SLC7A9: variants seen among roughly 807,000 people sequenced by gnomAD.
SLC7A9 encodes solute carrier family 7 member 9, also known as B(0,+)-type amino acid transporter 1.
Under a neutral mutation model 54.1 loss-of-function variants are expected in SLC7A9, and 38 were observed. That is an observed-to-expected ratio of 0.70 (90% CI 0.54 to 0.92). The LOEUF (loss-of-function observed/expected upper bound fraction) is 0.92. Among genes scored for constraint, SLC7A9 ranks in the 40% least tolerant of loss-of-function variants. SLC7A9 has a pLI of 0.00. For synonymous variants in SLC7A9, 264 were observed against 258.9 expected, an observed-to-expected ratio of 1.02 and a Z score of -0.19; for missense variants, 537 against 636.1, an observed-to-expected ratio of 0.84 and a Z score of 1.68.
Position 32,833,074 on chromosome 19 carries a change from G to T in SLC7A9, c.1399+75C>A, listed in dbSNP as rs150281357. On this transcript the variant is annotated intron_variant, in intron 12 of 12. Transcript: ENST00000023064. ...GGTGAGACACTGTGACAGAGGTCTT[G>T]GAGTCAGGACAGGTGAGGACGCCGT... 0.031 allele frequency: 42,653 copies of T among 1,385,168 alleles called. 902 individuals carry two copies. The highest frequency in any genetic ancestry group is 0.037 in the Non-Finnish European group (35,998 of 972,882). 85.8% of individuals were successfully genotyped at this position (1,385,168 alleles called of 1,614,324 possible). A position where few individuals can be genotyped will look rare whatever the true frequency, so the allele number is the denominator to read the frequency against.
chr19:32,849,718 GAC>G (rs1968411208), intron 9 of SLC7A9, among the ~76,000 whole-genome samples: 1 of 150,466 alleles, frequency 6.6e-6, no homozygotes, highest in African/African-American at 2.4e-5. Context: ...GCCTGGCAGA[GAC>G]ACAACCAAAA....
chr19:32,833,225 C>T lies in SLC7A9; in HGVS notation c.1323G>A (p.Val441=). Residue 441 remains valine, a synonymous_variant, in exon 12 of 13, where the codon GTG becomes GTA. Transcript: ENST00000023064. ...SKPTWEYLYC[V]LFILSGLLFY... ...ATAAAAGGCCGCTTAATATAAACAG[C>T]ACACAGTAGAGGTACTCCCAGGTGG... 3 of 1,614,150 alleles carry T rather than the reference C, an allele frequency of 1.9e-6. No individual in the cohort carries two copies. The highest frequency in any genetic ancestry group is 2.5e-6 in the Non-Finnish European group (3 of 1,179,976).
At chr19:32,868,399 C>T (rs369544048) in intron 2 of SLC7A9, 49 bp downstream of exon 2, 33 of 1,457,090 alleles carry the variant, frequency 2.3e-5, no homozygotes, top group East Asian at 4.5e-5. Context: ...CTCGTTCAGA[C>T]GCCCTTGCCT....
At chr19:32,857,044 C>G (rs1968649234) in intron 9 of SLC7A9, among the ~76,000 whole-genome samples, 1 of 151,980 alleles carries the variant, frequency 6.6e-6, no homozygotes, top group Non-Finnish European at 1.5e-5. Context: ...CCAGCTACTC[C>G]AGAGGCTGAG....
At chr19:32,852,361 G>C (rs914661425) in intron 9 of SLC7A9, among the ~76,000 whole-genome samples, 1 of 151,934 alleles carries the variant, frequency 6.6e-6, no homozygotes, top group East Asian at 1.9e-4. Context: ...ATGGTGGCAC[G>C]TGCCTGTGGT....
chr19:32,862,540 G>C lies in SLC7A9; in HGVS notation c.525C>G (p.Tyr175Ter). Residue 175 changes from tyrosine (Y) to a stop codon, truncating the protein, a stop_gained, in exon 5 of 13, where the codon TAC becomes TAG. Transcript: ENST00000023064. LOFTEE classifies it high-confidence loss of function. ...VNSLSVRLGSYVQNIFTAAKL... is the reference protein window; with the variant it reads ...VNSLSVRLGS ...TGGCCGCGGTGAAGATGTTCTGGAC[G>C]TAGCTTCCCAGCCGCACGCTCAGTG... The C allele has an allele frequency of 6.2e-7, 1 of 1,613,916 alleles. No individual in the cohort carries two copies.
chr19:32,837,817 G>A (rs980854919), intron 11 of SLC7A9, among the ~76,000 whole-genome samples: 4 of 152,204 alleles, frequency 2.6e-5, no homozygotes, highest in Non-Finnish European at 5.9e-5. Context: ...TTTGTCAAAA[G>A]TTTATACTAC....
chr19:32,867,481 C>G (rs1969004531), intron 2 of SLC7A9, among the ~76,000 whole-genome samples: 1 of 152,028 alleles, frequency 6.6e-6, no homozygotes, highest in South Asian at 2.1e-4. Context: ...TGCACCACTG[C>G]ACTCCAGCCT....
chr19:32,866,176 G>T (rs973358607), intron 2 of SLC7A9, among the ~76,000 whole-genome samples: 1 of 152,140 alleles, frequency 6.6e-6, no homozygotes, highest in African/African-American at 2.4e-5. Context: ...GCTCCCAGCT[G>T]CAGGCTGCCA....
chr19:32,859,577 A>T (rs986188300), intron 8 of SLC7A9, among the ~76,000 whole-genome samples: 41 of 152,016 alleles, frequency 2.7e-4, no homozygotes, highest in Admixed American at 7.2e-4. Flanking sequence ...AAATATATAT[A>T]TTTTTTAATA....
chr19:32,835,907 G>A (rs1255383903), intron 11 of SLC7A9, among the ~76,000 whole-genome samples: 4 of 107,714 alleles, frequency 3.7e-5, no homozygotes, highest in Admixed American at 8.8e-5. Flanking sequence ...GTGTGTGTGT[G>A]TGTATGTGTG....
chr19:32,832,947 T>C, intron 12 of SLC7A9: 1 of 616,058 alleles, frequency 1.6e-6, no homozygotes, highest in South Asian at 1.9e-5. Flanking sequence ...TTCCTACTTA[T>C]TACAGTAATT....
chr19:32,860,403 AC>A, intron 7 of SLC7A9: 1 of 1,372,008 alleles, frequency 7.3e-7, no homozygotes, highest in East Asian at 2.5e-5. Flanking sequence ...CTAAAAAAAT[AC>A]AAAAATGAGT....
chr19:32,862,421 T>A, intron 5 of SLC7A9, 40 bp downstream of exon 5: 3 of 1,611,560 alleles, frequency 1.9e-6, no homozygotes, highest in South Asian at 2.2e-5. Context: ...GAAGGGCGTT[T>A]GGTGTGTGCC....
At chr19:32,837,131 C>A (rs1270506405) in intron 11 of SLC7A9, among the ~76,000 whole-genome samples, 1 of 152,048 alleles carries the variant, frequency 6.6e-6, no homozygotes, top group Non-Finnish European at 1.5e-5. Flanking sequence ...AGTCTTGCGT[C>A]CTCGAAGAGT....
At chr19:32,841,968 T>A (rs934983471) in intron 11 of SLC7A9, among the ~76,000 whole-genome samples, 200 bp downstream of exon 11, 5 of 152,218 alleles carry the variant, frequency 3.3e-5, no homozygotes, top group African/African-American at 1.2e-4. Context: ...GTATTCGTGA[T>A]GACTTAATAA....
intron 9 of SLC7A9, among the ~76,000 whole-genome samples, chr19:32,852,905 CTTTT>C (rs56119122): frequency 7.8e-4 from 76 of 97,568 alleles, no homozygotes; most frequent in Admixed American, 1.1e-3. Context: ...AAGCTATAAA[CTTTT>C]TTTTTTTTTT....
At chr19:32,855,746 G>C (rs1968609958) in intron 9 of SLC7A9, among the ~76,000 whole-genome samples, 1 of 151,566 alleles carries the variant, frequency 6.6e-6, no homozygotes. Context: ...TGCAACCTTG[G>C]CATTATCAGT....
chr19:32,830,681 G>T lies in SLC7A9; in HGVS notation c.1403C>A (p.Pro468Gln). 1 of 1,613,616 alleles carries T rather than the reference G, an allele frequency of 6.2e-7. No individual in the cohort carries two copies. The change falls in exon 13 of 13, where the codon CCG (proline) becomes CAG (glutamine). Residue 468 changes from proline (P) to glutamine (Q), a missense_variant. Physicochemically the swap from Pro to Gln is moderately conservative, Grantham distance 76. Transcript: ENST00000023064. ...TAGCATCTGAAGGTGCATGGTAATCGGCTCTGAAATAAGAGTCAAAAATGA... is the reference window on the plus strand; with the variant it reads ...TAGCATCTGAAGGTGCATGGTAATCTGCTCTGAAATAAGAGTCAAAAATGA... ...KFGWAQKISK[P>Q]ITMHLQMLME...
Sources: allele counts gnomAD v4.1 joint callset (sites outside exome capture counted in the v4.1 genomes callset), GRCh38; gene constraint gnomAD v4.1.1; transcripts MANE v1.5; gene names NCBI Gene and HGNC (gene_info 2026-07-23, HGNC 2026-07-21).